TPCN2: variants seen among roughly 807,000 people sequenced by gnomAD.
The protein encoded by TPCN2 is two pore segment channel 2.
TPCN2 carries 92 observed loss-of-function variants against 111.4 expected under a neutral mutation model. The observed-to-expected ratio is 0.83, with a 90% CI of 0.70 to 0.98. TPCN2 has a LOEUF of 0.98. TPCN2 is among the 50% of genes least tolerant of loss of function. TPCN2 has a pLI of 0.00. For missense variants in TPCN2, 995 were observed against 980.1 expected, an observed-to-expected ratio of 1.02 and a Z score of -0.20; for synonymous variants, 405 against 414.5, an observed-to-expected ratio of 0.98 and a Z score of 0.28.
At chr11:69,060,994 A>C (rs1854995362) in intron 5 of TPCN2, among the ~76,000 whole-genome samples, 1 of 152,136 alleles carries the variant, frequency 6.6e-6, no homozygotes, top group Admixed American at 6.5e-5. Flanking sequence ...ATTCACTTGG[A>C]GTGAGCGCTG....
intron 22 of TPCN2, 24 bp from the exon 23 acceptor site, chr11:69,086,499 A>C (rs1158458381): frequency 6.2e-7 from 1 of 1,607,488 alleles, no homozygotes; most frequent in South Asian, 1.1e-5. Flanking sequence ...CGTGGTTCAC[A>C]GGGTGGGTCT....
At chr11:69,049,694 G>T (rs376340750) in intron 1 of TPCN2, among the ~76,000 whole-genome samples, 1 of 152,120 alleles carries the variant, frequency 6.6e-6, no homozygotes, top group Non-Finnish European at 1.5e-5. Flanking sequence ...CCCCCTAGAC[G>T]GGGGCGGCTT....
intron 5 of TPCN2, among the ~76,000 whole-genome samples, chr11:69,057,979 T>C (rs1312733187): frequency 6.6e-6 from 1 of 152,172 alleles, no homozygotes; most frequent in African/African-American, 2.4e-5. Context: ...GCCTCCCGGC[T>C]CTCCGCTCTC....
rs779665945 is a variant in TPCN2, at chr11:69,071,360, C to A, written c.900C>A (p.Ser300Arg). The A allele has an allele frequency of 5.0e-6, 8 of 1,613,786 alleles. 1 individual carries two copies. The South Asian group carries it at 8.8e-5, about 18-fold the overall frequency. Residue 300 changes from serine (S) to arginine (R), a missense_variant, in exon 10 of 25, where the codon AGC (serine) becomes AGA (arginine). By Grantham distance (110) the Ser-to-Arg change is moderately radical. Coordinates refer to ENST00000294309, the MANE Select transcript of TPCN2 (RefSeq NM_139075.4). ...IFFIVFTVIG[S>R]LFLMNLLTAI... is the part of the protein sequence containing the mutation. ...CGTGGCTGTCTCCTCTTGAAGGAAGCCTGTTTCTGATGAACCTGCTGACAG... is the reference window on the plus strand; with the variant it reads ...CGTGGCTGTCTCCTCTTGAAGGAAGACTGTTTCTGATGAACCTGCTGACAG...
chr11:69,055,837 T>G (rs1447843608), intron 4 of TPCN2, among the ~76,000 whole-genome samples: 1 of 152,154 alleles, frequency 6.6e-6, no homozygotes, highest in Non-Finnish European at 1.5e-5. Flanking sequence ...AGGTCCCAAG[T>G]GAATAAGTGA....
intron 13 of TPCN2, among the ~76,000 whole-genome samples, chr11:69,073,736 G>A (rs1171628541): frequency 6.6e-6 from 1 of 152,164 alleles, no homozygotes; most frequent in East Asian, 1.9e-4. Context: ...GCTTGTAGGT[G>A]CTGTTCTTTC....
chr11:69,066,629 G>T (rs1417756202), intron 7 of TPCN2, among the ~76,000 whole-genome samples: 1 of 152,226 alleles, frequency 6.6e-6, no homozygotes, highest in Non-Finnish European at 1.5e-5. Context: ...GTGCCTCCAT[G>T]CCAGGGCCTG....
In TPCN2 at chr11:69,086,558, TGTC is replaced by T. The variant is rs759472702; in HGVS notation, c.2043_2045del (p.Ser682del). 1.2e-6 allele frequency: 2 copies of T among 1,614,144 alleles called. No homozygotes were observed. The highest frequency in any genetic ancestry group is 2.2e-5 in the East Asian group (1 of 44,868). On this transcript the variant is annotated inframe_deletion, in exon 23 of 25. Transcript: ENST00000294309. ...ATCTATTTTGTATTGTGGTGGCTGG[TGTC>T]GTCTGTCATCTGGGTCAACCTGTTT...
chr11:69,077,913 G>T (rs1428038049), intron 13 of TPCN2, among the ~76,000 whole-genome samples: 1 of 152,214 alleles, frequency 6.6e-6, no homozygotes, highest in Non-Finnish European at 1.5e-5. Flanking sequence ...GGGACAGCGG[G>T]TGCAGGTCTC....
At chr11:69,086,409 G>A (rs927925533) in intron 22 of TPCN2, 114 bp from the exon 23 acceptor site, 1 of 839,064 alleles carries the variant, frequency 1.2e-6, no homozygotes, top group Non-Finnish European at 2.1e-6. Context: ...CTGCATCATG[G>A]TGTGTGTGGG....
At chr11:69,085,368 G>A in intron 20 of TPCN2, 82 bp downstream of exon 20, 1 of 1,359,464 alleles carries the variant, frequency 7.4e-7, no homozygotes. Flanking sequence ...GCCTCAGTGG[G>A]CTCAGCATCT....
At chr11:69,066,688 G>A (rs1330105927) in intron 7 of TPCN2, among the ~76,000 whole-genome samples, 4 of 152,174 alleles carry the variant, frequency 2.6e-5, no homozygotes, top group Non-Finnish European at 5.9e-5. Flanking sequence ...GCTTTGAAAC[G>A]ATCCCTAAGA....
intron 7 of TPCN2, among the ~76,000 whole-genome samples, chr11:69,066,163 C>T (rs879419560): frequency 5.3e-5 from 8 of 152,066 alleles, no homozygotes; most frequent in Non-Finnish European, 7.4e-5. Flanking sequence ...GGTTGCTTTA[C>T]ATTTGGGAAC....
Position 69,088,642 on chromosome 11 carries a change from C to G in TPCN2, c.*689C>G, listed in dbSNP as rs1856364836. On this transcript the variant is annotated 3_prime_UTR_variant, in exon 25 of 25. Transcript: ENST00000294309. Reference sequence around the variant, plus strand: ...ATCCTGGCGGGGGGCTGTCTACCTGCAGTGAGGGGCACCTTTTCTGTTTTG... The same window carrying G: ...ATCCTGGCGGGGGGCTGTCTACCTGGAGTGAGGGGCACCTTTTCTGTTTTG... The G allele has an allele frequency of 6.6e-6, 1 of 151,712 alleles. No individual in the cohort carries two copies. Among genetic ancestry groups the G allele is most frequent in the African/African-American group, 2.4e-5 (1 of 41,068 alleles). 9.4% of individuals were successfully genotyped at this position (151,712 alleles called of 1,614,324 possible). A position where few individuals can be genotyped will look rare whatever the true frequency, so the allele number is the denominator to read the frequency against.
intron 5 of TPCN2, among the ~76,000 whole-genome samples, chr11:69,061,622 C>G (rs998725666): frequency 1.3e-5 from 2 of 152,138 alleles, no homozygotes; most frequent in Non-Finnish European, 2.9e-5. Flanking sequence ...GTAGCTGTGT[C>G]TGGTGCTGAG....
chr11:69,053,387 G>A lies in TPCN2; in HGVS notation c.110-646G>A, dbSNP rs1861322325. Among the ~76,000 whole-genome samples, 4 of 152,164 alleles carry A rather than the reference G, an allele frequency of 2.6e-5. No individual in the cohort carries two copies. In the South Asian group the frequency reaches 8.3e-4, roughly 31 times the overall value. ...ACAGTGAGGGAATGGGACCTTGGTA[G>A]CACTCATGAAGCCTCATGGCAGTGC... On this transcript the variant is annotated intron_variant, in intron 1 of 24. Transcript: ENST00000294309.
intron 7 of TPCN2, among the ~76,000 whole-genome samples, chr11:69,065,427 C>T (rs939338372): frequency 3.3e-5 from 5 of 152,156 alleles, no homozygotes; most frequent in African/African-American, 7.2e-5. Context: ...CTCCTCCAGG[C>T]GTGGGTTTCT....
At chr11:69,081,369 C>A in intron 17 of TPCN2, 31 bp from the exon 18 acceptor site, 1 of 1,498,526 alleles carries the variant, frequency 6.7e-7, no homozygotes, top group South Asian at 1.2e-5. Context: ...TCCTGGGCTC[C>A]TCCCAACCCG....
At position 69,080,730 on chromosome 11, in the gene TPCN2, C is replaced by T. The variant is rs1213665897; in HGVS notation, c.1590-670C>T. Among the ~76,000 whole-genome samples, 4 of 152,194 alleles carry T rather than the reference C, an allele frequency of 2.6e-5. No homozygotes were observed. In the East Asian group the frequency reaches 7.7e-4, roughly 29 times the overall value. ...TCCCTAGGAAGCCCCCCAGAACTTA[C>T]CTCAGGAAGGCAGGCAGTGCCACTG... On this transcript the variant is annotated intron_variant, in intron 17 of 24. Transcript: ENST00000294309.
Sources: allele counts gnomAD v4.1 joint callset (sites outside exome capture counted in the v4.1 genomes callset), GRCh38; gene constraint gnomAD v4.1.1; transcripts MANE v1.5; gene names NCBI Gene and HGNC (gene_info 2026-07-23, HGNC 2026-07-21).